KLHL13: variants seen among roughly 807,000 people sequenced by gnomAD.
The protein encoded by KLHL13 is kelch-like protein 13.
Under a neutral mutation model 37.1 loss-of-function variants are expected in KLHL13, and 10 were observed. The observed-to-expected ratio is 0.27, with a 90% CI of 0.17 to 0.46. The LOEUF (loss-of-function observed/expected upper bound fraction) is 0.46. Among genes scored for constraint, KLHL13 ranks in the 20% least tolerant of loss-of-function variants. The probability of loss-of-function intolerance (pLI) is 1.00; values close to 1 mark genes in which losing one functional copy is unlikely to be tolerated. For missense variants in KLHL13, 360 were observed against 509.3 expected (o/e 0.71, Z 2.82); for synonymous variants, 163 against 181.2 (o/e 0.90, Z 0.81).
At chrX:118,108,627 C>T (rs1385316630) in intron 1 of KLHL13, among the ~76,000 whole-genome samples, 1 of 112,169 alleles carries the variant, frequency 8.9e-6, no homozygotes, top group Non-Finnish European at 1.9e-5. Context: ...CAGCAATTAA[C>T]AAACCAATTT....
At chrX:118,088,181 T>C (rs893650910) in intron 1 of KLHL13, among the ~76,000 whole-genome samples, 134 of 111,875 alleles carry the variant, frequency 1.2e-3, no homozygotes, top group Non-Finnish European at 1.9e-3. Context: ...AGGAAATTTA[T>C]TGTTAAAGCA....
At chrX:118,037,657 G>A (rs183151117) in intron 1 of KLHL13, among the ~76,000 whole-genome samples, 2,601 of 111,034 alleles carry the variant, frequency 0.023, 30 homozygotes, top group Non-Finnish European at 0.036. Context: ...TGACGAGTTA[G>A]TGGGTGCAGT....
At chrX:117,935,295 T>C (rs991573720) in intron 2 of KLHL13, among the ~76,000 whole-genome samples, 1 of 112,646 alleles carries the variant, frequency 8.9e-6, no homozygotes, top group Non-Finnish European at 1.9e-5. Context: ...GAAGGAAGCA[T>C]GTTATATGCC....
intron 1 of KLHL13, among the ~76,000 whole-genome samples, chrX:118,030,675 G>A (rs777806945): frequency 1.9e-4 from 21 of 111,812 alleles, no homozygotes; most frequent in Non-Finnish European, 2.6e-4. Context: ...ATGGGAATGC[G>A]TTCCTTATAA....
intron 1 of KLHL13, among the ~76,000 whole-genome samples, chrX:118,087,299 G>T (rs140859274): frequency 2.7e-5 from 3 of 109,692 alleles, no homozygotes; most frequent in African/African-American, 9.9e-5. Context: ...GGCCCATTCC[G>T]TACTTCAATA....
At chrX:117,916,510 GT>G (rs1480547739) in intron 4 of KLHL13, among the ~76,000 whole-genome samples, 1 of 112,226 alleles carries the variant, frequency 8.9e-6, no homozygotes, top group Non-Finnish European at 1.9e-5. Flanking sequence ...GTTGGCTCTT[GT>G]TCCATTAACA....
chrX:117,939,773 C>A (rs1263575956), intron 2 of KLHL13, among the ~76,000 whole-genome samples: 2 of 111,895 alleles, frequency 1.8e-5, no homozygotes, highest in Admixed American at 9.5e-5. Flanking sequence ...CCTTCACACA[C>A]TTTTTGATGG....
At chrX:118,054,196 C>A (rs186704634) in intron 1 of KLHL13, among the ~76,000 whole-genome samples, 1 of 111,038 alleles carries the variant, frequency 9.0e-6, no homozygotes, top group African/African-American at 3.3e-5. Context: ...TCCATGCTAA[C>A]AAGCTATAAT....
At chrX:118,101,586 T>C (rs1194677799) in intron 1 of KLHL13, among the ~76,000 whole-genome samples, 1 of 111,455 alleles carries the variant, frequency 9.0e-6, no homozygotes, top group Non-Finnish European at 1.9e-5. Flanking sequence ...AACTGAAACC[T>C]CAAGGACAAA....
At chrX:117,976,179 CATT>C (rs2053595759), upstream of KLHL13, among the ~76,000 whole-genome samples, 1 of 111,830 alleles carries the variant, frequency 8.9e-6, no homozygotes, top group African/African-American at 3.2e-5. Flanking sequence ...ACCCTAAAAG[CATT>C]ATATCTGATG....
chrX:117,991,137 T>TAAAAATAAAAAAAAAATAA (rs1556333874), intron 1 of KLHL13, among the ~76,000 whole-genome samples: 1 of 83,918 alleles, frequency 1.2e-5, no homozygotes, highest in Non-Finnish European at 2.1e-5. Context: ...CATTAAAAAG[T>TAAAAATAAAAAAAAAATAA]AAAAAAAAAA....
At chrX:117,905,222 A>C (rs1174272058) in intron 5 of KLHL13, among the ~76,000 whole-genome samples, 1 of 111,709 alleles carries the variant, frequency 9.0e-6, no homozygotes, top group East Asian at 2.8e-4. Context: ...GTTTTCTATA[A>C]GTTATTTCAT....
chrX:118,020,412 C>T (rs771915689), intron 1 of KLHL13, among the ~76,000 whole-genome samples: 1 of 111,533 alleles, frequency 9.0e-6, no homozygotes, highest in South Asian at 3.8e-4. Flanking sequence ...ATTTGGCCAT[C>T]AGAGAAATGC....
chrX:118,094,765 C>A (rs751093051), intron 1 of KLHL13, among the ~76,000 whole-genome samples: 238 of 111,254 alleles, frequency 2.1e-3, no homozygotes, highest in African/African-American at 7.1e-3. Context: ...AATTTTCAAC[C>A]CAGAATTTCA....
rs6646060 is a variant in KLHL13 at position 118,067,097 on chromosome X, T to C, written c.-56+49411A>G. 7.0e-3 allele frequency among the ~76,000 whole-genome samples: 785 copies of C among 111,810 alleles called. 6 individuals are homozygous for C. The highest frequency in any genetic ancestry group is 0.022 in the African/African-American group (690 of 30,819). ...AATACACTTACACAAACCTAGATGA[T>C]ATAGCCTATTATATACCCAGGTTAT... is the stretch of plus-strand genomic sequence containing the variant. On this transcript the variant is annotated intron_variant, in intron 1 of 6. Coordinates refer to the KLHL13 transcript ENST00000371882.
intron 1 of KLHL13, among the ~76,000 whole-genome samples, chrX:117,999,065 A>T (rs762011732): frequency 1.8e-5 from 2 of 110,655 alleles, no homozygotes; most frequent in East Asian, 5.7e-4. Context: ...CTACTGACAA[A>T]ACTTCAGTGT....
At chrX:118,008,299 T>C (rs985761021) in intron 1 of KLHL13, among the ~76,000 whole-genome samples, 2 of 112,113 alleles carry the variant, frequency 1.8e-5, no homozygotes, top group Non-Finnish European at 3.8e-5. Flanking sequence ...ATTACCTTTA[T>C]CAACTTCCAG....
chrX:118,069,361 A>T (rs779184546), intron 1 of KLHL13, among the ~76,000 whole-genome samples: 122 of 105,122 alleles, frequency 1.2e-3, no homozygotes, highest in African/African-American at 3.8e-3. Flanking sequence ...AACCCTGTGT[A>T]GGCCCAGGCT....
intron 1 of KLHL13, among the ~76,000 whole-genome samples, chrX:117,954,903 G>A (rs936417908): frequency 1.1e-4 from 12 of 111,921 alleles, no homozygotes; most frequent in Admixed American, 1.9e-4. Flanking sequence ...ACTGGAATGG[G>A]TATTCCAACC....
Sources: gnomAD v4.1 joint callset for allele counts (sites outside exome capture counted in the v4.1 genomes callset) on GRCh38, gnomAD v4.1.1 for gene constraint, MANE v1.5 for transcripts, NCBI Gene and HGNC (gene_info 2026-07-23, HGNC 2026-07-21) for gene names.